The following ATAD1 variants were observed in gnomAD, a reference collection of about 807,000 sequenced individuals.
ATAD1 encodes ATPase family AAA domain containing 1, also known as outer mitochondrial transmembrane helix translocase.
In ATAD1, 18 loss-of-function variants were observed where a neutral mutation model predicts 42.7. That is an observed-to-expected ratio of 0.42 (90% CI 0.29 to 0.63). ATAD1 has a LOEUF of 0.63. ATAD1 is among the 20% of genes least tolerant of loss of function. The pLI is 0.19. For synonymous variants in ATAD1, 132 were observed against 143.1 expected, an observed-to-expected ratio of 0.92 and a Z score of 0.55; for missense variants, 294 against 440.4, an observed-to-expected ratio of 0.67 and a Z score of 2.98.
chr10:87,794,033 T>G (rs371758194), intron 2 of ATAD1, among the ~76,000 whole-genome samples: 81 of 152,208 alleles, frequency 5.3e-4, no homozygotes, highest in African/African-American at 1.8e-3. Flanking sequence ...GAGACCAGCC[T>G]GGGCAACACA....
chr10:87,823,284 C>CA (rs1397766029), intron 1 of ATAD1, among the ~76,000 whole-genome samples: 23 of 152,104 alleles, frequency 1.5e-4, no homozygotes, highest in Admixed American at 1.4e-3. Flanking sequence ...TTTTCTCAAG[C>CA]AGCATTGCCA....
intron 8 of ATAD1, among the ~76,000 whole-genome samples, chr10:87,760,725 C>T (rs1438826930): frequency 7.0e-6 from 1 of 143,182 alleles, no homozygotes; most frequent in Non-Finnish European, 1.6e-5. Context: ...TGAGGCTGGT[C>T]AGCTAGAATG....
Position 87,751,604 on chromosome 10 carries a change from T to C in ATAD1, c.*3083A>G, listed in dbSNP as rs1010326753. The C allele has an allele frequency of 7.2e-5, 11 of 152,138 alleles. No individual in the cohort carries two copies. Among genetic ancestry groups the C allele is most frequent in the African/African-American group, 2.7e-4 (11 of 41,420 alleles). The allele number at this position is 152,138 out of a possible 1,614,324, so 9.4% of individuals were successfully genotyped here. A position where few individuals can be genotyped will look rare whatever the true frequency, so the allele number is the denominator to read the frequency against. On this transcript the variant is annotated 3_prime_UTR_variant, in exon 10 of 10. Coordinates refer to ENST00000680024, the MANE Select transcript of ATAD1 (RefSeq NM_001321967.2). The stretch of plus-strand genomic sequence containing the variant: ...TTTAGGCAGAATGTTTTCCTATACA[T>C]GTAAATAAAGAGAACTTTAGCTTTA...
At chr10:87,811,906 C>A (rs1055296140) in intron 2 of ATAD1, among the ~76,000 whole-genome samples, 1 of 152,198 alleles carries the variant, frequency 6.6e-6, no homozygotes, top group African/African-American at 2.4e-5. Context: ...TTTGCCCTAC[C>A]TACCAGTTTC....
Position 87,770,979 on chromosome 10 carries a change from C to G in ATAD1, c.753G>C (p.Met251Ile). The G allele has an allele frequency of 6.2e-7, 1 of 1,613,486 alleles. No individual in the cohort carries two copies. Among genetic ancestry groups the G allele is most frequent in the South Asian group, 1.1e-5 (1 of 91,028 alleles). ...GCTGGTTGATATGAAATCTTGTAGG[C>G]ATTCTTCTCATTATAGCCGAGTCAA... Reference protein sequence around the residue: ...QDLDSAIMRRMPTRFHINQPA... With the variant: ...QDLDSAIMRRIPTRFHINQPA... The change falls in exon 7 of 10, where the codon ATG (methionine) becomes ATC (isoleucine). Residue 251 changes from methionine (M) to isoleucine (I), a missense_variant. By Grantham distance (10) the Met-to-Ile change is conservative. Around this residue, in one of 3 missense-constraint regions of ATAD1, gnomAD observed 142 missense variants for 174.6 expected, o/e 0.81. Transcript: ENST00000680024.
intron 6 of ATAD1, among the ~76,000 whole-genome samples, chr10:87,773,079 A>C (rs1487788822): frequency 1.3e-5 from 2 of 152,208 alleles, no homozygotes; most frequent in African/African-American, 4.8e-5. Context: ...CCTGGGTATG[A>C]AATAATCTGT....
At chr10:87,823,240 A>G (rs1312896655) in intron 1 of ATAD1, among the ~76,000 whole-genome samples, 1 of 152,168 alleles carries the variant, frequency 6.6e-6, no homozygotes, top group Non-Finnish European at 1.5e-5. Flanking sequence ...TATCAGGGTA[A>G]TACTAATCCA....
chr10:87,755,730 G>A (rs1313322231), intron 9 of ATAD1, among the ~76,000 whole-genome samples: 5 of 151,972 alleles, frequency 3.3e-5, no homozygotes, highest in Non-Finnish European at 5.9e-5. Flanking sequence ...CCAACATGTC[G>A]AAATCCCGTC....
In ATAD1 at chr10:87,833,727, C is replaced by CTTTTTTTTTTTTTTTTTTTTTTTTTTT. The variant is rs3033524; in HGVS notation, c.-14+7459_-14+7460insAAAAAAAAAAAAAAAAAAAAAAAAAAA. Among the ~76,000 whole-genome samples the CTTTTTTTTTTTTTTTTTTTTTTTTTTT allele has an allele frequency of 3.0e-5, 3 of 100,768 alleles. 1 individual carries two copies. The highest frequency in any genetic ancestry group is 1.9e-5 in the Non-Finnish European group (1 of 53,578). 66.1% of individuals were successfully genotyped at this position (100,768 alleles called of 152,430 possible). A position where few individuals can be genotyped will look rare whatever the true frequency, so the allele number is the denominator to read the frequency against. On this transcript the variant is annotated intron_variant, in intron 1 of 4. Transcript: ENST00000495903. The stretch of plus-strand genomic sequence containing the variant: ...CTTTCTCTCTCTCTTTCTTTCTTTC[C>CTTTTTTTTTTTTTTTTTTTTTTTTTTT]TTTTTTTTTTTTTTTTTTTTGATAG...
At chr10:87,797,985 G>A (rs914763882) in intron 2 of ATAD1, among the ~76,000 whole-genome samples, 10 of 152,144 alleles carry the variant, frequency 6.6e-5, no homozygotes, top group African/African-American at 7.2e-5. Context: ...CTGGGTGACC[G>A]GGGGCCTAAT....
At chr10:87,814,340 A>G (rs1227945166) in intron 2 of ATAD1, 98 bp downstream of exon 2, 4 of 1,146,804 alleles carry the variant, frequency 3.5e-6, no homozygotes, top group African/African-American at 1.6e-5. Flanking sequence ...GGTCTTATAG[A>G]ATTTCTCATT....
At chr10:87,754,855 GCCTC>G in intron 9 of ATAD1, 48 bp from the exon 10 acceptor site, 1 of 1,574,006 alleles carries the variant, frequency 6.4e-7, no homozygotes, top group Non-Finnish European at 8.6e-7. Flanking sequence ...TTTAGAATAT[GCCTC>G]CCTAAAATAT....
At chr10:87,779,102 CA>C (rs2131854401) in intron 5 of ATAD1, among the ~76,000 whole-genome samples, 1 of 151,884 alleles carries the variant, frequency 6.6e-6, no homozygotes, top group Non-Finnish European at 1.5e-5. Context: ...TTTGAGAGAC[CA>C]GCCTGACCAA....
intron 2 of ATAD1, among the ~76,000 whole-genome samples, chr10:87,799,791 TTTTA>T (rs901985227): frequency 1.5e-5 from 2 of 136,072 alleles, no homozygotes; most frequent in African/African-American, 2.7e-5. Context: ...ATATTTTTTT[TTTTA>T]AAAAGTGTGT....
At chr10:87,763,080 C>CAAAAAA (rs71019501) in intron 8 of ATAD1, among the ~76,000 whole-genome samples, 2 of 26,524 alleles carry the variant, frequency 7.5e-5, no homozygotes, top group African/African-American at 2.4e-4. Context: ...GACTCTGTCA[C>CAAAAAA]AAAAAAAAAA....
chr10:87,771,918 T>C (rs1472842620), intron 6 of ATAD1, among the ~76,000 whole-genome samples: 2 of 152,196 alleles, frequency 1.3e-5, no homozygotes, highest in Non-Finnish European at 2.9e-5. Context: ...TGGTATTCCA[T>C]GGAAACACAT....
At chr10:87,785,460 T>G (rs1403540578) in intron 4 of ATAD1, among the ~76,000 whole-genome samples, 7 of 150,590 alleles carry the variant, frequency 4.6e-5, no homozygotes, top group Non-Finnish European at 1.0e-4. Flanking sequence ...CACCTAAACT[T>G]AGTACTAAGA....
At chr10:87,791,003 GT>G (rs57015124) in intron 3 of ATAD1, among the ~76,000 whole-genome samples, 62,618 of 138,176 alleles carry the variant, frequency 0.45, 16,065 homozygotes, top group African/African-American at 0.73. Flanking sequence ...GGCCAACATG[GT>G]TGAAACCCCG....
At chr10:87,811,644 AG>A (rs1164253670) in intron 2 of ATAD1, among the ~76,000 whole-genome samples, 1 of 152,186 alleles carries the variant, frequency 6.6e-6, no homozygotes, top group Non-Finnish European at 1.5e-5. Context: ...GATGGTGGTG[AG>A]GGGAGATGGG....
Sources: allele counts gnomAD v4.1 joint callset (sites outside exome capture counted in the v4.1 genomes callset), GRCh38; gene constraint gnomAD v4.1.1; regional missense constraint gnomAD v4.1.1; transcripts MANE v1.5; gene names NCBI Gene and HGNC (gene_info 2026-07-23, HGNC 2026-07-21).